RBFOX1: variants seen among roughly 807,000 people sequenced by gnomAD.
The protein encoded by RBFOX1 is RNA binding protein fox-1 homolog 1.
In RBFOX1, 8 loss-of-function variants were observed where a neutral mutation model predicts 57.7. That is an observed-to-expected ratio of 0.14 (90% CI 0.08 to 0.25). RBFOX1 has a LOEUF of 0.25. Among genes scored for constraint, RBFOX1 ranks in the 10% least tolerant of loss-of-function variants. The pLI is 1.00. For synonymous variants in RBFOX1, 326 were observed against 222.4 expected, an observed-to-expected ratio of 1.47 and a Z score of -4.15; for missense variants, 611 against 548.5, an observed-to-expected ratio of 1.11 and a Z score of -1.14.
At chr16:6,140,142 C>T (rs996176317) in intron 1 of RBFOX1, among the ~76,000 whole-genome samples, 4 of 151,392 alleles carry the variant, frequency 2.6e-5, no homozygotes, top group African/African-American at 7.3e-5. Flanking sequence ...ATACTACTGT[C>T]TGATAATTCG....
intron 2 of RBFOX1, among the ~76,000 whole-genome samples, chr16:5,570,025 C>T (rs1025661038): frequency 9.9e-5 from 15 of 152,168 alleles, no homozygotes; most frequent in South Asian, 4.1e-4. Context: ...TCAGCCCTTT[C>T]GTGGCAACAA....
intron 2 of RBFOX1, among the ~76,000 whole-genome samples, chr16:6,608,688 C>G (rs1248787498): frequency 6.6e-6 from 1 of 152,168 alleles, no homozygotes; most frequent in Non-Finnish European, 1.5e-5. Context: ...AGAAGGATGA[C>G]TTGGGTCCAG....
At chr16:6,924,462 C>A (rs998301620) in intron 3 of RBFOX1, among the ~76,000 whole-genome samples, 2 of 151,972 alleles carry the variant, frequency 1.3e-5, no homozygotes, top group South Asian at 4.2e-4. Flanking sequence ...ATGGCAGGCA[C>A]CAAGCCATTC....
intron 2 of RBFOX1, among the ~76,000 whole-genome samples, chr16:6,531,148 G>T (rs577580339): frequency 1.3e-5 from 2 of 152,152 alleles, no homozygotes; most frequent in Non-Finnish European, 2.9e-5. Flanking sequence ...GATCCAGGTT[G>T]TTTCCCTGCT....
At chr16:7,409,638 A>G (rs1438920435) in intron 4 of RBFOX1, among the ~76,000 whole-genome samples, 1 of 152,246 alleles carries the variant, frequency 6.6e-6, no homozygotes, top group Non-Finnish European at 1.5e-5. Context: ...GCCACATACC[A>G]TCAGATGTAA....
At chr16:5,265,445 GT>G (rs2062834437) in intron 1 of RBFOX1, among the ~76,000 whole-genome samples, 1 of 152,114 alleles carries the variant, frequency 6.6e-6, no homozygotes, top group African/African-American at 2.4e-5. Context: ...TTGCTTTGTT[GT>G]CCCCCAAATT....
At chr16:6,856,299 A>G (rs2057886742) in intron 3 of RBFOX1, among the ~76,000 whole-genome samples, 1 of 152,150 alleles carries the variant, frequency 6.6e-6, no homozygotes. Flanking sequence ...ATGATGATGT[A>G]GGAGTTCTAT....
intron 1 of RBFOX1, among the ~76,000 whole-genome samples, chr16:5,315,333 C>T (rs1031369942): frequency 3.3e-5 from 5 of 152,258 alleles, no homozygotes; most frequent in South Asian, 2.1e-4. Flanking sequence ...ATTATTGCCC[C>T]ACAGGCCACG....
At chr16:6,978,330 T>C (rs1000441682) in intron 3 of RBFOX1, among the ~76,000 whole-genome samples, 10 of 152,238 alleles carry the variant, frequency 6.6e-5, no homozygotes, top group Non-Finnish European at 1.3e-4. Flanking sequence ...TTTATCCCGG[T>C]GCTCTATTTT....
chr16:5,489,616 C>T (rs971040854), intron 2 of RBFOX1, among the ~76,000 whole-genome samples: 2 of 152,138 alleles, frequency 1.3e-5, no homozygotes, highest in Non-Finnish European at 2.9e-5. Context: ...TACATATTAG[C>T]TGGTGGTATT....
intron 1 of RBFOX1, among the ~76,000 whole-genome samples, chr16:5,451,012 G>C (rs2068409579): frequency 6.6e-6 from 1 of 152,170 alleles, no homozygotes; most frequent in East Asian, 1.9e-4. Context: ...GATTAAATTA[G>C]GTCACATGTA....
At chr16:6,095,990 C>A (rs202135681) in intron 1 of RBFOX1, among the ~76,000 whole-genome samples, 1 of 152,234 alleles carries the variant, frequency 6.6e-6, no homozygotes. Flanking sequence ...GGGGAAGAGC[C>A]TGGCCTGCCC....
chr16:7,384,600 G>C (rs2097846923), intron 4 of RBFOX1, among the ~76,000 whole-genome samples: 1 of 152,166 alleles, frequency 6.6e-6, no homozygotes, highest in African/African-American at 2.4e-5. Flanking sequence ...AGGAGGGAGA[G>C]GGGTCATGGA....
chr16:7,618,608 T>A (rs1375042600), intron 10 of RBFOX1, among the ~76,000 whole-genome samples: 1 of 152,202 alleles, frequency 6.6e-6, no homozygotes, highest in Non-Finnish European at 1.5e-5. Context: ...CTTCCCACTT[T>A]CATTGTTCTT....
chr16:7,591,893 C>A (rs1278385520), intron 7 of RBFOX1, among the ~76,000 whole-genome samples: 4 of 152,176 alleles, frequency 2.6e-5, no homozygotes, highest in Admixed American at 6.5e-5. Flanking sequence ...GAAAAAACAA[C>A]CTTAGCACCC....
intron 4 of RBFOX1, among the ~76,000 whole-genome samples, chr16:6,011,527 A>T (rs2094961227): frequency 1.3e-5 from 2 of 152,212 alleles, no homozygotes; most frequent in Admixed American, 6.5e-5. Flanking sequence ...CCTTATCTGT[A>T]AAATGGGAAT....
intron 2 of RBFOX1, among the ~76,000 whole-genome samples, chr16:5,560,784 A>C (rs2045863033): frequency 6.6e-6 from 1 of 152,140 alleles, no homozygotes; most frequent in African/African-American, 2.4e-5. Flanking sequence ...CATGCTGCCA[A>C]ATCTAACATA....
intron 2 of RBFOX1, among the ~76,000 whole-genome samples, chr16:6,401,231 A>G (rs1011494184): frequency 6.6e-6 from 1 of 152,216 alleles, no homozygotes; most frequent in Non-Finnish European, 1.5e-5. Flanking sequence ...AGCTTCAAGT[A>G]CCATCCACTG....
intron 1 of RBFOX1, among the ~76,000 whole-genome samples, chr16:6,098,470 GGT>G (rs759035614): frequency 1.1e-4 from 17 of 152,174 alleles, no homozygotes; most frequent in Non-Finnish European, 2.4e-4. Context: ...GGGAGGCCCA[GGT>G]TCAAGGTTAG....
Sources: allele counts gnomAD v4.1 joint callset (sites outside exome capture counted in the v4.1 genomes callset), GRCh38; gene constraint gnomAD v4.1.1; transcripts MANE v1.5; gene names NCBI Gene and HGNC (gene_info 2026-07-23, HGNC 2026-07-21).